Variants in OXNAD1 observed in about 807,000 individuals in gnomAD.
The protein encoded by OXNAD1 is oxidoreductase NAD-binding domain-containing protein 1.
OXNAD1 carries 34 observed loss-of-function variants against 32.9 expected under a neutral mutation model. The ratio of observed to expected loss-of-function variants is 1.03; its 90% confidence interval spans 0.79 to 1.38. The LOEUF is 1.38. Among genes scored for constraint, OXNAD1 ranks in the 40% most tolerant of loss-of-function variants. The pLI, the probability that OXNAD1 is intolerant of heterozygous loss-of-function variation, is 0.00. For synonymous variants in OXNAD1, 134 were observed against 135.2 expected (o/e 0.99, Z 0.06); for missense variants, 407 against 379.4 (o/e 1.07, Z -0.60).
At position 16,322,767 on chromosome 3, in the gene OXNAD1, T is replaced by C. The variant is rs1233877312; in HGVS notation, c.*31-14345T>C. 6.6e-6 allele frequency among the ~76,000 whole-genome samples: 1 copy of C among 152,114 alleles called. No homozygotes were observed. Among genetic ancestry groups the C allele is most frequent in the Non-Finnish European group, 1.5e-5 (1 of 68,016 alleles). On this transcript the variant is annotated intron_variant, in intron 9 of 9. Coordinates refer to the OXNAD1 transcript ENST00000435829. The surrounding 1 kb of genome is among the most constrained non-coding windows in gnomAD (Gnocchi z 6.2). ...GAAGGCCAGTCTCTGTGCGACTGTT[T>C]CTAGGGTAGTTCAGAGTCCGGAGAG...
In OXNAD1 at chr3:16,290,238, G is replaced by GTGCT. The variant is rs2066341269; in HGVS notation, c.290+3791_290+3794dup. ...AGGGCTTTAACTCATGGCTCCAAGA[G>GTGCT]TGCTCATCCTGCAAAGGACATTTTT... On this transcript the variant is annotated intron_variant, in intron 5 of 8. Coordinates refer to ENST00000285083, the MANE Select transcript of OXNAD1 (RefSeq NM_138381.5). The surrounding 1 kb of genome is among the most constrained non-coding windows in gnomAD (Gnocchi z 4.2). Among the ~76,000 whole-genome samples the GTGCT allele has an allele frequency of 6.6e-6, 1 of 152,208 alleles. No individual in the cohort carries two copies. Among genetic ancestry groups the GTGCT allele is most frequent in the South Asian group, 2.1e-4 (1 of 4,826 alleles).
chr3:16,285,889 G>T (rs889375562), intron 4 of OXNAD1, among the ~76,000 whole-genome samples: 1 of 152,170 alleles, frequency 6.6e-6, no homozygotes. Flanking sequence ...TCTGAAATTA[G>T]CTCTTTGTGG....
At chr3:16,342,287 C>A (rs1020060492), downstream of OXNAD1, among the ~76,000 whole-genome samples, 12 of 151,950 alleles carry the variant, frequency 7.9e-5, 1 homozygote, top group Admixed American at 4.6e-4. This position sits in a 1 kb window ranked among gnomAD's most constrained non-coding sequence, Gnocchi z 4.0. Flanking sequence ...TAAATGGATT[C>A]ATATAATATG....
chr3:16,327,353 C>T lies in OXNAD1; in HGVS notation c.*31-9759C>T, dbSNP rs143948046. 6.9e-4 allele frequency among the ~76,000 whole-genome samples: 105 copies of T among 152,308 alleles called. No individual in the cohort carries two copies. Among genetic ancestry groups the T allele is most frequent in the Admixed American group, 1.7e-3 (26 of 15,296 alleles). On this transcript the variant is annotated intron_variant, in intron 9 of 9. Transcript: ENST00000435829. The surrounding 1 kb of genome is among the most constrained non-coding windows in gnomAD (Gnocchi z 4.2). Reference sequence around the variant, plus strand: ...ATGCACATCCACATGTGTGTGTACACGCAGAAGCTGCTTTGCCTGTGTTAT... The same window carrying T: ...ATGCACATCCACATGTGTGTGTACATGCAGAAGCTGCTTTGCCTGTGTTAT...
At chr3:16,337,984 T>G (rs184375847), downstream of OXNAD1, among the ~76,000 whole-genome samples, 242 of 152,144 alleles carry the variant, frequency 1.6e-3, no homozygotes, top group African/African-American at 4.2e-3. The surrounding 1 kb of genome is among the most constrained non-coding windows in gnomAD (Gnocchi z 5.0). Flanking sequence ...AAGAGAGAGA[T>G]AAAAACCCAC....
At chr3:16,313,295 A>G (rs1200507627) in intron 9 of OXNAD1, among the ~76,000 whole-genome samples, 4 of 147,216 alleles carry the variant, frequency 2.7e-5, no homozygotes, top group African/African-American at 7.7e-5. Context: ...CTTCTGTCTC[A>G]GCCTCCCAAA....
intron 9 of OXNAD1, among the ~76,000 whole-genome samples, chr3:16,333,589 T>G (rs1298986060): frequency 2.0e-5 from 3 of 152,144 alleles, no homozygotes; most frequent in African/African-American, 7.2e-5. Flanking sequence ...ATGTTTAAAG[T>G]GAACACTGGA....
intron 9 of OXNAD1, among the ~76,000 whole-genome samples, chr3:16,347,053 C>G (rs1159118969): frequency 6.6e-6 from 1 of 152,216 alleles, no homozygotes; most frequent in Non-Finnish European, 1.5e-5. Context: ...TGACCACCAC[C>G]CTTATTCTAT....
intron 9 of OXNAD1, among the ~76,000 whole-genome samples, chr3:16,330,535 T>G (rs2070207766): frequency 6.6e-6 from 1 of 152,238 alleles, no homozygotes; most frequent in Non-Finnish European, 1.5e-5. Context: ...AAAGCCAGCC[T>G]GCTTATCAAA....
chr3:16,317,033 G>A lies in OXNAD1; in HGVS notation c.*30+13441G>A, dbSNP rs778299433. On this transcript the variant is annotated intron_variant, in intron 9 of 9. Coordinates refer to the OXNAD1 transcript ENST00000435829. This position sits in a 1 kb window ranked among gnomAD's most constrained non-coding sequence, Gnocchi z 4.3. ...CTGTTCTCCCTTGTCCTCTTGGACA[G>A]GGCCCTTCATCTCCTCGGAGACTCC... The A allele has an allele frequency of 3.1e-6, 5 of 1,613,748 alleles. No individual in the cohort carries two copies. In the South Asian group the frequency reaches 3.3e-5, roughly 11 times the overall value.
Position 16,345,378 on chromosome 3 carries a change from A to G in OXNAD1, c.*31-3798A>G, listed in dbSNP as rs925934000. ...AAAACCTAAAGATATAGCCCCTGTTATCACATTGAGCCCTTAACTTGCCAC... is the reference window on the plus strand; with the variant it reads ...AAAACCTAAAGATATAGCCCCTGTTGTCACATTGAGCCCTTAACTTGCCAC... On this transcript the variant is annotated intron_variant, in intron 9 of 9. Transcript: ENST00000606098. This position sits in a 1 kb window ranked among gnomAD's most constrained non-coding sequence, Gnocchi z 5.2. 4 of 151,950 alleles carry G rather than the reference A, an allele frequency of 2.6e-5. No individual in the cohort carries two copies. Among genetic ancestry groups the G allele is most frequent in the African/African-American group, 9.7e-5 (4 of 41,330 alleles). The allele number at this position is 151,950 out of a possible 1,614,324, so 9.4% of individuals were successfully genotyped here. A position where few individuals can be genotyped will look rare whatever the true frequency, so the allele number is the denominator to read the frequency against.
rs1353672836 is a variant in OXNAD1 at position 16,299,503 on chromosome 3, CT to C, written c.433-2122del. 6.6e-6 allele frequency among the ~76,000 whole-genome samples: 1 copy of C among 152,068 alleles called. No individual in the cohort carries two copies. The highest frequency in any genetic ancestry group is 2.4e-5 in the African/African-American group (1 of 41,432). On this transcript the variant is annotated intron_variant, in intron 6 of 8. Transcript: ENST00000285083. The surrounding 1 kb of genome is among the most constrained non-coding windows in gnomAD (Gnocchi z 4.4). ...TAGTGAGGTTCAGACATTTTTTCCCCTGAAAGAGTATCCATTCATTTAACAG... is the reference window on the plus strand; with the variant it reads ...TAGTGAGGTTCAGACATTTTTTCCCCGAAAGAGTATCCATTCATTTAACAG...
At chr3:16,313,206 T>A (rs944688201) in intron 9 of OXNAD1, among the ~76,000 whole-genome samples, 1 of 117,616 alleles carries the variant, frequency 8.5e-6, no homozygotes, top group Non-Finnish European at 1.8e-5. Context: ...ACCCAGCGGA[T>A]TTTTTTTTTT....
At position 16,305,918 on chromosome 3, in the gene OXNAD1, C is replaced by T. The variant is rs1339481610; in HGVS notation, c.*2356C>T. 6.7e-6 allele frequency: 1 copy of T among 148,918 alleles called. No homozygotes were observed. The highest frequency in any genetic ancestry group is 1.5e-5 in the Non-Finnish European group (1 of 66,556). 9.2% of individuals were successfully genotyped at this position (148,918 alleles called of 1,614,324 possible). ...TTAATTTGCTATTCCTTGTCCTATT[C>T]AGAAAGGATTTCAAGAGGCTGGATG... On this transcript the variant is annotated 3_prime_UTR_variant, in exon 9 of 9. Coordinates refer to ENST00000285083, the MANE Select transcript of OXNAD1 (RefSeq NM_138381.5). This position sits in a 1 kb window ranked among gnomAD's most constrained non-coding sequence, Gnocchi z 4.5.
At chr3:16,326,788 A>G (rs954950008) in intron 9 of OXNAD1, 24 of 1,613,852 alleles carry the variant, frequency 1.5e-5, no homozygotes, top group Non-Finnish European at 1.9e-5. Flanking sequence ...AGTCTTGACG[A>G]CGGGAGTTGG....
rs1245388466 is a variant in OXNAD1, at chr3:16,269,239, A to G, written c.-45A>G. The G allele has an allele frequency of 6.5e-7, 1 of 1,535,456 alleles. No homozygotes were observed. The highest frequency in any genetic ancestry group is 1.2e-5 in the South Asian group (1 of 84,022). ...AATATTCTGTCAATCAGCTGACCAT[A>G]TACTTAATGACTCCTAAAATCTCGT... is the stretch of plus-strand genomic sequence containing the variant. On this transcript the variant is annotated 5_prime_UTR_variant, in exon 2 of 9. It adds an upstream start codon to the 5' untranslated region. Coordinates refer to ENST00000285083, the MANE Select transcript of OXNAD1 (RefSeq NM_138381.5).
rs1457485614 is a variant in OXNAD1 at position 16,329,994 on chromosome 3, T to C, written c.*31-7118T>C. ...GACTGCAAACCGGCTGCTTCTATTT[T>C]GCTCCGTTTTATTTCATTTTGTCAC... On this transcript the variant is annotated intron_variant, in intron 9 of 9. Transcript: ENST00000435829. The surrounding 1 kb of genome is among the most constrained non-coding windows in gnomAD (Gnocchi z 4.5). Among the ~76,000 whole-genome samples, 1 of 152,206 alleles carries C rather than the reference T, an allele frequency of 6.6e-6. No homozygotes were observed. The highest frequency in any genetic ancestry group is 2.4e-5 in the African/African-American group (1 of 41,446).
intron 9 of OXNAD1, among the ~76,000 whole-genome samples, chr3:16,324,621 C>CCCCG (rs957893120): frequency 7.3e-6 from 1 of 136,484 alleles, no homozygotes; most frequent in Non-Finnish European, 1.6e-5. Context: ...TGACCCCCCC[C>CCCCG]CTTTTAAGGT....
At chr3:16,343,295 C>T (rs1194532564) in intron 9 of OXNAD1, among the ~76,000 whole-genome samples, 2 of 152,178 alleles carry the variant, frequency 1.3e-5, no homozygotes, top group Admixed American at 6.5e-5. Flanking sequence ...AGTCCTAGGC[C>T]CCAGCCACTT....
Sources: gnomAD v4.1 joint callset for allele counts (sites outside exome capture counted in the v4.1 genomes callset) on GRCh38, gnomAD v4.1.1 for gene constraint, Gnocchi (gnomAD v3.1) non-coding constraint, MANE v1.5 for transcripts, NCBI Gene and HGNC (gene_info 2026-07-23, HGNC 2026-07-21) for gene names.